The following S1PR3 variants were observed in gnomAD, a reference collection of about 807,000 sequenced individuals.
S1PR3 encodes sphingosine-1-phosphate receptor 3.
S1PR3 carries 12 observed loss-of-function variants against 13.3 expected under a neutral mutation model. The observed-to-expected ratio is 0.90, with a 90% CI of 0.58 to 1.46. The LOEUF is 1.46. Ranked by LOEUF, S1PR3 falls within the 40% of genes most tolerant of loss-of-function variation. The probability of loss-of-function intolerance (pLI) is 0.00; values close to 1 mark genes in which losing one functional copy is unlikely to be tolerated. For missense variants in S1PR3, 450 were observed against 501.9 expected (o/e 0.90, Z 0.99); for synonymous variants, 232 against 214.0 (o/e 1.08, Z -0.73).
chr9:88,991,870 G>C lies in S1PR3; in HGVS notation c.-148+175G>C. 1 of 1,614,198 alleles carries C rather than the reference G, an allele frequency of 6.2e-7. No homozygotes were observed. The highest frequency in any genetic ancestry group is 8.5e-7 in the Non-Finnish European group (1 of 1,180,026). The stretch of plus-strand genomic sequence containing the variant: ...CCCCCAGAGCCGCTGCAGGAACAGG[G>C]AGGAGGCCTTTTCCACCGCACCCGG... On this transcript the variant is annotated intron_variant, in intron 1 of 1. Transcript: ENST00000358157. This position sits in a 1 kb window ranked among gnomAD's most constrained non-coding sequence, Gnocchi z 4.0.
chr9:88,996,676 A>G (rs1825807231), intron 1 of S1PR3: 1 of 152,672 alleles, frequency 6.5e-6, no homozygotes, highest in African/African-American at 2.4e-5. Flanking sequence ...GGTCCGGCCC[A>G]TCTTGTTGCT....
In S1PR3 at chr9:89,001,949, G is replaced by C; in HGVS notation, c.749G>C (p.Ser250Thr). The C allele has an allele frequency of 6.2e-7, 1 of 1,614,194 alleles. No individual in the cohort carries two copies. The highest frequency in any genetic ancestry group is 8.5e-7 in the Non-Finnish European group (1 of 1,180,040). ...CTGCGGACCGTGGTGATTGTGGTGA[G>C]CGTGTTCATCGCCTGCTGGTCCCCA... is the stretch of plus-strand genomic sequence containing the variant. ...ALLRTVVIVV[S>T]VFIACWSPLF... Residue 250 changes from serine to threonine, a missense_variant, in exon 2 of 2, where the codon AGC becomes ACC. Ser to Thr is a moderately conservative substitution (Grantham distance 58). Transcript: ENST00000358157.
At chr9:88,991,365 G>A, upstream of S1PR3, 1 of 1,197,032 alleles carries the variant, frequency 8.4e-7, no homozygotes, top group Non-Finnish European at 1.2e-6. The surrounding 1 kb of genome is among the most constrained non-coding windows in gnomAD (Gnocchi z 4.0). Context: ...GGGAGAGGGG[G>A]GCGGGGAGAG....
chr9:89,002,280 C>G lies in S1PR3; in HGVS notation c.1080C>G (p.Pro360=). ...KVKEDLPHTA[P]SSCIMDKNAA... ...AGGAAGACCTGCCCCACACAGCCCCCTCATCCTGCATCATGGACAAGAACG... is the reference window on the plus strand; with the variant it reads ...AGGAAGACCTGCCCCACACAGCCCCGTCATCCTGCATCATGGACAAGAACG... The change falls in exon 2 of 2, where the codon CCC becomes CCG. Residue 360 remains proline (P), a synonymous_variant. Transcript: ENST00000358157. 6.2e-7 allele frequency: 1 copy of G among 1,614,188 alleles called. No homozygotes were observed. The highest frequency in any genetic ancestry group is 8.5e-7 in the Non-Finnish European group (1 of 1,180,046).
chr9:88,992,288 C>G (rs765738665), intron 1 of S1PR3: 4 of 449,348 alleles, frequency 8.9e-6, no homozygotes, highest in Non-Finnish European at 1.6e-5. Context: ...CTCTCTCTCT[C>G]TCTCTCTCTC....
rs1308062165 is a variant in S1PR3 at position 88,991,814 on chromosome 9, G to A, written c.-148+119G>A. 3.7e-6 allele frequency: 6 copies of A among 1,608,550 alleles called. No homozygotes were observed. Among genetic ancestry groups the A allele is most frequent in the Admixed American group, 1.7e-5 (1 of 58,882 alleles). ...CGCGACGGGGACTTGGGCGCGCCAC[G>A]GCGGCCGGAGCGCTCCACATCAGCA... On this transcript the variant is annotated intron_variant, in intron 1 of 1. Transcript: ENST00000358157. This position sits in a 1 kb window ranked among gnomAD's most constrained non-coding sequence, Gnocchi z 4.0.
intron 1 of S1PR3, chr9:88,995,692 T>TA (rs1234433702): frequency 3.0e-5 from 5 of 167,124 alleles, no homozygotes; most frequent in Non-Finnish European, 7.3e-5. Flanking sequence ...AGTTCAGATG[T>TA]AAGCAGTGTC....
chr9:89,001,163 C>T lies in S1PR3; in HGVS notation c.-38C>T, dbSNP rs1825861314. The T allele has an allele frequency of 1.3e-6, 2 of 1,599,848 alleles. No individual in the cohort carries two copies. The highest frequency in any genetic ancestry group is 2.2e-5 in the East Asian group (1 of 44,660). ...AATGAATGTTCCTGGGGCGCCCTCTCGTGGATTTTGGAGCTAATCGTCTGT... is the reference window on the plus strand; with the variant it reads ...AATGAATGTTCCTGGGGCGCCCTCTTGTGGATTTTGGAGCTAATCGTCTGT... On this transcript the variant is annotated 5_prime_UTR_variant, in exon 2 of 2. Coordinates refer to ENST00000358157, the MANE Select transcript of S1PR3 (RefSeq NM_005226.4).
rs1587668820 is a variant in S1PR3, at chr9:89,004,665, G to A, written c.*2328G>A. On this transcript the variant is annotated 3_prime_UTR_variant, in exon 2 of 2. Coordinates refer to ENST00000358157, the MANE Select transcript of S1PR3 (RefSeq NM_005226.4). ...CCCACAGCCACCATTTCCACTAGGA[G>A]GTATCAATATTTGTGGTATGACATA... The A allele has an allele frequency of 6.0e-6, 1 of 167,010 alleles. No homozygotes were observed. Among genetic ancestry groups the A allele is most frequent in the Non-Finnish European group, 1.5e-5 (1 of 68,118 alleles). 10.3% of individuals were successfully genotyped at this position (167,010 alleles called of 1,614,324 possible). A position where few individuals can be genotyped will look rare whatever the true frequency, so the allele number is the denominator to read the frequency against.
chr9:89,002,915 A>G lies in S1PR3; in HGVS notation c.*578A>G. The G allele has an allele frequency of 5.9e-6, 1 of 170,418 alleles. No homozygotes were observed. Among genetic ancestry groups the G allele is most frequent in the South Asian group, 2.0e-4 (1 of 5,066 alleles). 10.6% of individuals were successfully genotyped at this position (170,418 alleles called of 1,614,324 possible). ...TGCCATCCCTGGTCTCCTTAGACTG[A>G]CATGATTCTCATGTTAACCAAGTTT... is the stretch of plus-strand genomic sequence containing the variant. On this transcript the variant is annotated 3_prime_UTR_variant, in exon 2 of 2. Transcript: ENST00000358157.
intron 1 of S1PR3, chr9:88,992,671 C>T (rs1825736949): frequency 6.6e-6 from 1 of 151,986 alleles, no homozygotes; most frequent in South Asian, 2.1e-4. Flanking sequence ...AATATAATTC[C>T]TAGAAAGTAC....
At position 89,001,287 on chromosome 9, in the gene S1PR3, G is replaced by A. The variant is rs1016350969; in HGVS notation, c.87G>A (p.Ala29=). The A allele has an allele frequency of 8.1e-6, 13 of 1,614,012 alleles. No individual in the cohort carries two copies. The highest frequency in any genetic ancestry group is 3.3e-4 in the Middle Eastern group (2 of 6,084). The change falls in exon 2 of 2, where the codon GCG becomes GCA. Residue 29 remains alanine (A), a synonymous_variant. Transcript: ENST00000358157. ...ATTACCAGTACGTGGGGAAGTTGGC[G>A]GGCAGGCTGAAGGAGGCCTCCGAGG... ...REHYQYVGKL[A]GRLKEASEGS...
At position 88,991,556 on chromosome 9, in the gene S1PR3, G is replaced by A. The variant is rs1587662546; in HGVS notation, c.-287G>A. The stretch of plus-strand genomic sequence containing the variant: ...AGGACGCGACCGAGCAGGACCCCAG[G>A]CCCGGGAACGACGTCGCGAGCGCTG... On this transcript the variant is annotated 5_prime_UTR_variant, in exon 1 of 2. Coordinates refer to ENST00000358157, the MANE Select transcript of S1PR3 (RefSeq NM_005226.4). The surrounding 1 kb of genome is among the most constrained non-coding windows in gnomAD (Gnocchi z 4.0). 3 of 1,545,916 alleles carry A rather than the reference G, an allele frequency of 1.9e-6. No individual in the cohort carries two copies. Among genetic ancestry groups the A allele is most frequent in the Middle Eastern group, 1.7e-4 (1 of 5,936 alleles).
chr9:89,003,245 T>A lies in S1PR3; in HGVS notation c.*908T>A, dbSNP rs1825893220. 1 of 167,106 alleles carries A rather than the reference T, an allele frequency of 6.0e-6. No homozygotes were observed. The highest frequency in any genetic ancestry group is 1.5e-5 in the Non-Finnish European group (1 of 68,122). The allele number at this position is 167,106 out of a possible 1,614,324, so 10.4% of individuals were successfully genotyped here. On this transcript the variant is annotated 3_prime_UTR_variant, in exon 2 of 2. Transcript: ENST00000358157. ...TGGGGCAGGGGTCTGCTTCAGGAAA[T>A]GGAAGCTGTCCAGGAAATGAGCAGA...
chr9:88,995,277 G>A (rs1825787425), intron 1 of S1PR3: 2 of 166,974 alleles, frequency 1.2e-5, no homozygotes, highest in South Asian at 4.2e-4. Context: ...GAGAAAGGGG[G>A]GTGTTGGGAA....
Position 89,001,503 on chromosome 9 carries a change from G to A in S1PR3, c.303G>A (p.Lys101=), listed in dbSNP as rs746847329. ...AGGTCAACATTCTGATGTCTGGCAA[G>A]AAGACGTTCAGCCTGTCTCCCACGG... is the stretch of plus-strand genomic sequence containing the variant. ...AYKVNILMSG[K]KTFSLSPTVW... Residue 101 remains lysine, a synonymous_variant, in exon 2 of 2, where the codon AAG becomes AAA. Coordinates refer to ENST00000358157, the MANE Select transcript of S1PR3 (RefSeq NM_005226.4). The A allele has an allele frequency of 6.2e-7, 1 of 1,614,244 alleles. No homozygotes were observed. The highest frequency in any genetic ancestry group is 8.5e-7 in the Non-Finnish European group (1 of 1,180,048).
Position 89,002,055 on chromosome 9 carries a change from G to C in S1PR3, c.855G>C (p.Val285=). 1 of 1,614,056 alleles carries C rather than the reference G, an allele frequency of 6.2e-7. No individual in the cohort carries two copies. The highest frequency in any genetic ancestry group is 8.5e-7 in the Non-Finnish European group (1 of 1,180,034). The stretch of plus-strand genomic sequence containing the variant: ...TCTTCAAGGCTCAGTGGTTCATCGT[G>C]TTGGCTGTGCTCAACTCCGCCATGA... The part of the protein sequence containing the change: ...PILFKAQWFI[V]LAVLNSAMNP... The change falls in exon 2 of 2, where the codon GTG becomes GTC. Residue 285 remains valine, a synonymous_variant. Coordinates refer to ENST00000358157, the MANE Select transcript of S1PR3 (RefSeq NM_005226.4).
intron 1 of S1PR3, chr9:88,995,921 G>A (rs781329145): frequency 6.0e-6 from 1 of 167,058 alleles, no homozygotes; most frequent in Admixed American, 6.5e-5. Context: ...CACCGCTAAT[G>A]AGGAGGAGCG....
At chr9:88,991,356 G>T (rs1399635991), upstream of S1PR3, 6 of 1,191,342 alleles carry the variant, frequency 5.0e-6, no homozygotes, top group East Asian at 1.3e-4. This position sits in a 1 kb window ranked among gnomAD's most constrained non-coding sequence, Gnocchi z 4.0. Flanking sequence ...CGGGGGACGG[G>T]GAGAGGGGGG....
Sources: allele counts gnomAD v4.1 joint callset, GRCh38; gene constraint gnomAD v4.1.1; non-coding constraint Gnocchi (gnomAD v3.1); transcripts MANE v1.5; gene names NCBI Gene and HGNC (gene_info 2026-07-23, HGNC 2026-07-21).